The following NRG3 variants were observed in gnomAD, a reference collection of about 807,000 sequenced individuals.
NRG3 encodes the protein pro-neuregulin-3, membrane-bound isoform.
In NRG3, 31 loss-of-function variants were observed where a neutral mutation model predicts 66.9. The ratio of observed to expected loss-of-function variants is 0.46; its 90% CI spans 0.35 to 0.63. The LOEUF (loss-of-function observed/expected upper bound fraction) is 0.63. Ranked by LOEUF, NRG3 falls within the 20% of genes least tolerant of loss-of-function variation. The probability of loss-of-function intolerance (pLI) is 0.00; values close to 1 mark genes in which losing one functional copy is unlikely to be tolerated. For synonymous variants in NRG3, 393 were observed against 359.4 expected (o/e 1.09, Z -1.06); for missense variants, 910 against 878.9 (o/e 1.04, Z -0.45).
intron 3 of NRG3, among the ~76,000 whole-genome samples, chr10:82,826,139 G>A (rs2062195042): frequency 6.6e-6 from 1 of 151,954 alleles, no homozygotes; most frequent in African/African-American, 2.4e-5. Flanking sequence ...TTTAAGCTTT[G>A]TCAAGCATTA....
In NRG3 at chr10:82,835,689, G is replaced by A. The variant is rs11196153; in HGVS notation, c.1028-29722G>A. ...GAGCTTTTATGAAGTTGATCTTATTGTCATCAGCCTATCATCAGCTTTGCA... is the reference window on the plus strand; with the variant it reads ...GAGCTTTTATGAAGTTGATCTTATTATCATCAGCCTATCATCAGCTTTGCA... On this transcript the variant is annotated intron_variant, in intron 3 of 8. Transcript: ENST00000372141. Among the ~76,000 whole-genome samples the A allele has an allele frequency of 1.4e-4, 22 of 152,194 alleles. No individual in the cohort carries two copies. The East Asian group carries it at 4.3e-3, about 29-fold the overall frequency.
chr10:82,465,682 G>C (rs187805332), intron 2 of NRG3, among the ~76,000 whole-genome samples: 41 of 152,250 alleles, frequency 2.7e-4, no homozygotes, highest in African/African-American at 7.5e-4. Flanking sequence ...GGGCTCTTAG[G>C]GGGTGGGGGG....
chr10:82,208,558 C>T (rs998407579), intron 1 of NRG3, among the ~76,000 whole-genome samples: 1 of 151,574 alleles, frequency 6.6e-6, no homozygotes, highest in Non-Finnish European at 1.5e-5. Context: ...TAAAAGAGCA[C>T]GAACAAAGAC....
At chr10:82,516,417 A>T (rs1590432323) in intron 2 of NRG3, among the ~76,000 whole-genome samples, 1 of 152,106 alleles carries the variant, frequency 6.6e-6, no homozygotes. Flanking sequence ...TGGTGGAGTA[A>T]TAAGGGGAGT....
At chr10:82,910,910 G>C (rs1845255854) in intron 4 of NRG3, among the ~76,000 whole-genome samples, 1 of 152,238 alleles carries the variant, frequency 6.6e-6, no homozygotes, top group Admixed American at 6.5e-5. Context: ...AGACACAGTT[G>C]TGCGTGCATG....
chr10:82,132,505 C>CATATATATATGATATATATG (rs2068962091), intron 1 of NRG3, among the ~76,000 whole-genome samples: 1 of 60,332 alleles, frequency 1.7e-5, no homozygotes, highest in African/African-American at 4.8e-5. Flanking sequence ...ATATATATAT[C>CATATATATATGATATATATG]ATATATATAT....
intron 3 of NRG3, among the ~76,000 whole-genome samples, chr10:82,752,411 T>A (rs2134956496): frequency 6.6e-6 from 1 of 152,204 alleles, no homozygotes; most frequent in African/African-American, 2.4e-5. Context: ...GAACAAAAAA[T>A]CCCCTTATCT....
chr10:82,817,150 C>CCCCAGT (rs1028634606), intron 3 of NRG3, among the ~76,000 whole-genome samples: 1 of 152,194 alleles, frequency 6.6e-6, no homozygotes, highest in African/African-American at 2.4e-5. Context: ...TTTAATTCAG[C>CCCCAGT]AATTCTACTG....
At chr10:82,769,218 T>A (rs1373401035) in intron 3 of NRG3, among the ~76,000 whole-genome samples, 2 of 152,160 alleles carry the variant, frequency 1.3e-5, no homozygotes, top group Non-Finnish European at 2.9e-5. Context: ...ACAACTAGGA[T>A]ATTACATAAT....
intron 2 of NRG3, among the ~76,000 whole-genome samples, chr10:82,674,871 G>A (rs145945339): frequency 0.02 from 2,967 of 151,802 alleles, 94 homozygotes; most frequent in African/African-American, 0.067. Context: ...ACATGAGGCC[G>A]GCCACACCAT....
At chr10:82,773,720 G>C (rs1044310026) in intron 3 of NRG3, among the ~76,000 whole-genome samples, 2 of 151,806 alleles carry the variant, frequency 1.3e-5, no homozygotes, top group Non-Finnish European at 2.9e-5. Context: ...TATATCTCTT[G>C]CTAGCACTTC....
intron 1 of NRG3, among the ~76,000 whole-genome samples, chr10:82,308,610 A>T (rs759687006): frequency 6.6e-6 from 1 of 152,184 alleles, no homozygotes; most frequent in South Asian, 2.1e-4. Context: ...ATTATAGGGA[A>T]AAACTAGACA....
chr10:82,569,449 G>T (rs2045601723), intron 2 of NRG3, among the ~76,000 whole-genome samples: 1 of 151,794 alleles, frequency 6.6e-6, no homozygotes. Context: ...ATTGTTGGGA[G>T]AACCAGGTCA....
At chr10:82,587,501 C>T (rs2046741258) in intron 2 of NRG3, among the ~76,000 whole-genome samples, 1 of 152,126 alleles carries the variant, frequency 6.6e-6, no homozygotes, top group African/African-American at 2.4e-5. Flanking sequence ...ATTAAAATTA[C>T]TGCATTAGAC....
intron 2 of NRG3, among the ~76,000 whole-genome samples, chr10:82,408,083 GACAGAAAGAAAGAA>G (rs1441908348): frequency 4.9e-4 from 52 of 106,438 alleles, no homozygotes; most frequent in Non-Finnish European, 6.9e-4. Context: ...GAGAGAGAGA[GACAGAAAGAAAGAA>G]AGAAAGAAAG....
At chr10:82,542,070 C>A (rs1230015851) in intron 2 of NRG3, among the ~76,000 whole-genome samples, 2 of 152,290 alleles carry the variant, frequency 1.3e-5, no homozygotes, top group Admixed American at 6.5e-5. Flanking sequence ...CTCTCCCTCC[C>A]CTTTCCCTCT....
chr10:81,918,845 G>A lies in NRG3; in HGVS notation c.823+42682G>A, dbSNP rs573834569. On this transcript the variant is annotated intron_variant, in intron 1 of 8. Coordinates refer to ENST00000372141, the MANE Select transcript of NRG3 (RefSeq NM_001010848.4). ...AAAAACAAAAACAAACACAAAACTG[G>A]CCATAAGCATTGAATAGAATCATTG... 1.2e-4 allele frequency among the ~76,000 whole-genome samples: 8 copies of A among 68,774 alleles called. No individual in the cohort carries two copies. In the East Asian group the frequency reaches 3.8e-3, roughly 33 times the overall value. The allele number at this position is 68,774 out of a possible 152,430, so 45.1% of individuals were successfully genotyped here.
intron 3 of NRG3, among the ~76,000 whole-genome samples, chr10:82,861,505 G>A (rs539057545): frequency 5.9e-5 from 9 of 152,196 alleles, no homozygotes; most frequent in Non-Finnish European, 8.8e-5. Flanking sequence ...ACATATTGAG[G>A]TTTCAAAACA....
intron 1 of NRG3, among the ~76,000 whole-genome samples, chr10:82,329,599 A>G: frequency 6.6e-6 from 1 of 152,112 alleles, no homozygotes; most frequent in African/African-American, 2.4e-5. Context: ...CTGTTTTTAG[A>G]TCTTTTGTCA....
Sources: gnomAD v4.1 joint callset for allele counts (sites outside exome capture counted in the v4.1 genomes callset) on GRCh38, gnomAD v4.1.1 for gene constraint, MANE v1.5 for transcripts, NCBI Gene and HGNC (gene_info 2026-07-23, HGNC 2026-07-21) for gene names.